Variants in FGF17 observed in about 807,000 individuals in gnomAD.
FGF17 encodes the protein fibroblast growth factor 17.
In FGF17, 5 loss-of-function variants were observed where a neutral mutation model predicts 23.5. That is an observed-to-expected ratio of 0.21 (90% CI 0.11 to 0.45). FGF17 has a LOEUF of 0.45. Ranked by LOEUF, FGF17 falls within the 20% of genes least tolerant of loss-of-function variation. The pLI is 0.99. For missense variants in FGF17, 221 were observed against 306.9 expected (o/e 0.72, Z 2.09); for synonymous variants, 136 against 123.0 (o/e 1.11, Z -0.70).
At chr8:22,042,807 C>T, upstream of FGF17, 1 of 936,482 alleles carries the variant, frequency 1.1e-6, no homozygotes, top group East Asian at 2.6e-5. Flanking sequence ...CCTCCTCGCC[C>T]CCCTGAAAAC....
chr8:22,041,235 C>G (rs1800732175), upstream of FGF17, among the ~76,000 whole-genome samples: 2 of 152,348 alleles, frequency 1.3e-5, no homozygotes, highest in South Asian at 4.1e-4. Context: ...GGGCTGGGTT[C>G]CCGAGGAAGA....
upstream of FGF17, chr8:22,042,757 T>C: frequency 4.5e-5 from 21 of 464,966 alleles, no homozygotes; most frequent in Non-Finnish European, 7.2e-5. Flanking sequence ...CTCCTCCCCC[T>C]CCTCCTCCCT....
Position 22,048,221 on chromosome 8 carries a change from G to C in FGF17, c.623G>C (p.Arg208Pro). The C allele has an allele frequency of 6.2e-7, 1 of 1,609,170 alleles. No homozygotes were observed. The highest frequency in any genetic ancestry group is 8.5e-7 in the Non-Finnish European group (1 of 1,178,380). ...TCCGCCCCCACCCGCCGGACCAAGC[G>C]CACACGGCGGCCCCAGCCCCTCACG... The part of the protein sequence containing the change: ...VGSAPTRRTK[R>P]TRRPQPLT Residue 208 changes from arginine to proline, a missense_variant, in exon 5 of 5, where the codon CGC (arginine) becomes CCC (proline). Physicochemically the swap from Arg to Pro is moderately radical, Grantham distance 103 (BLOSUM62 -2). Transcript: ENST00000359441. The surrounding 1 kb of genome is among the most constrained non-coding windows in gnomAD (Gnocchi z 6.9).
chr8:22,046,675 C>A, intron 4 of FGF17, 42 bp downstream of exon 4: 1 of 1,407,004 alleles, frequency 7.1e-7, no homozygotes, highest in Non-Finnish European at 1.0e-6. Flanking sequence ...ATCAGCCCTA[C>A]TGGGGTGGGG....
chr8:22,045,079 C>A (rs1040038027), intron 2 of FGF17: 2 of 985,390 alleles, frequency 2.0e-6, no homozygotes, highest in African/African-American at 3.5e-5. Context: ...GCCCGGGTCG[C>A]ACCTTGCAGG....
At chr8:22,046,950 A>ATTT (rs3038873) in intron 4 of FGF17, among the ~76,000 whole-genome samples, 1,369 of 120,524 alleles carry the variant, frequency 0.011, 63 homozygotes, top group African/African-American at 0.04. Flanking sequence ...TGCCCAGCTA[A>ATTT]TTTTTTTTTT....
At chr8:22,042,605 C>G, upstream of FGF17, 1 of 553,512 alleles carries the variant, frequency 1.8e-6, no homozygotes. Flanking sequence ...AGGCCCCCAC[C>G]GCTCCATCCC....
rs186446614 is a variant in FGF17 at position 22,046,090 on chromosome 8, A to G, written c.73-24A>G. The G allele has an allele frequency of 5.6e-6, 9 of 1,613,954 alleles. No individual in the cohort carries two copies. The Admixed American group carries it at 1.0e-4, about 18-fold the overall frequency. ...GTGTCACCCAAAGCAAATTGACACT[A>G]TTTTTCCCTTGGTAACCGCAAAGGG... On this transcript the variant is annotated intron_variant, in intron 2 of 4. Transcript: ENST00000359441.
In FGF17 at chr8:22,042,899, G is replaced by A. The variant is rs750951115; in HGVS notation, c.-30G>A. 73 of 1,612,784 alleles carry A rather than the reference G, an allele frequency of 4.5e-5. 2 individuals are homozygous for A. The South Asian group carries it at 7.9e-4, about 18-fold the overall frequency. ...ATCTGCTCCTGAGCTTGGGGGCAGG[G>A]GGGCAACCGCCTGAGGAACCTCTCC... On this transcript the variant is annotated 5_prime_UTR_variant, in exon 1 of 5. Transcript: ENST00000359441.
Position 22,048,323 on chromosome 8 carries a change from G to A in FGF17, c.*74G>A. 2.3e-6 allele frequency: 3 copies of A among 1,299,790 alleles called. No homozygotes were observed. Among genetic ancestry groups the A allele is most frequent in the Non-Finnish European group, 3.1e-6 (3 of 958,368 alleles). 80.5% of individuals were successfully genotyped at this position (1,299,790 alleles called of 1,614,324 possible). A position where few individuals can be genotyped will look rare whatever the true frequency, so the allele number is the denominator to read the frequency against. On this transcript the variant is annotated 3_prime_UTR_variant, in exon 5 of 5. Coordinates refer to ENST00000359441, the MANE Select transcript of FGF17 (RefSeq NM_003867.4). The surrounding 1 kb of genome is among the most constrained non-coding windows in gnomAD (Gnocchi z 6.9). Reference sequence around the variant, plus strand: ...CCCTTCTTAATCCAAGGACTGGGCTGGGGTGGCGGGAGGGGAGCCAGATCC... The same window carrying A: ...CCCTTCTTAATCCAAGGACTGGGCTAGGGTGGCGGGAGGGGAGCCAGATCC...
chr8:22,046,276 G>T lies in FGF17; in HGVS notation c.235G>T (p.Asp79Tyr), dbSNP rs776770008. 2 of 1,613,570 alleles carry T rather than the reference G, an allele frequency of 1.2e-6. No individual in the cohort carries two copies. The highest frequency in any genetic ancestry group is 1.7e-6 in the Non-Finnish European group (2 of 1,179,830). The change falls in exon 3 of 5, where the codon GAC (aspartate) becomes TAC (tyrosine). Residue 79 changes from aspartate to tyrosine, a missense_variant. Physicochemically the swap from Asp to Tyr is radical, Grantham distance 160. Coordinates refer to ENST00000359441, the MANE Select transcript of FGF17 (RefSeq NM_003867.4). The part of the protein sequence containing the change: ...TGRRISATAE[D>Y]GNKFAKLIVE... Reference sequence around the variant, plus strand: ...GCGTCGCATCTCCGCCACCGCCGAGGACGGCAACAAGTTTGGTGAGAGTTG... The same window carrying T: ...GCGTCGCATCTCCGCCACCGCCGAGTACGGCAACAAGTTTGGTGAGAGTTG...
chr8:22,046,494 G>A, intron 3 of FGF17, 33 bp from the exon 4 acceptor site: 2 of 1,562,678 alleles, frequency 1.3e-6, no homozygotes, highest in Non-Finnish European at 1.8e-6. Context: ...CAGCCCCGAT[G>A]GACGGAGGTC....
upstream of FGF17, among the ~76,000 whole-genome samples, chr8:22,041,112 C>T (rs1178456336): frequency 1.3e-5 from 2 of 152,170 alleles, no homozygotes; most frequent in Non-Finnish European, 2.9e-5. Context: ...CCTAAGACCC[C>T]TTCTAGGTTT....
chr8:22,044,770 AC>A (rs1800826318), intron 2 of FGF17: 2 of 985,108 alleles, frequency 2.0e-6, no homozygotes, highest in South Asian at 9.4e-5. Flanking sequence ...GTAAGTGTTA[AC>A]CCCGCGCAGG....
chr8:22,045,258 G>A, intron 2 of FGF17: 1 of 985,750 alleles, frequency 1.0e-6, no homozygotes, highest in Non-Finnish European at 1.2e-6. Flanking sequence ...CCCACCAACT[G>A]GCCAGGAGCC....
At chr8:22,043,988 C>G (rs532646924) in intron 2 of FGF17, among the ~76,000 whole-genome samples, 101 of 152,056 alleles carry the variant, frequency 6.6e-4, no homozygotes, top group South Asian at 1.5e-3. Flanking sequence ...AAAGGGGCAG[C>G]CTTTGAAGCA....
At chr8:22,045,789 C>A in intron 2 of FGF17, 1 of 1,257,948 alleles carries the variant, frequency 7.9e-7, no homozygotes, top group Non-Finnish European at 1.0e-6. Context: ...CCCCGTGCAC[C>A]TCCTTCATAG....
chr8:22,044,109 C>T (rs941907700), intron 2 of FGF17, among the ~76,000 whole-genome samples: 7 of 152,100 alleles, frequency 4.6e-5, no homozygotes, highest in Admixed American at 2.6e-4. Flanking sequence ...CAGAAGAAAG[C>T]CCCCAGCCTG....
intron 2 of FGF17, chr8:22,045,713 TG>T (rs1563364461): frequency 8.9e-7 from 1 of 1,120,980 alleles, no homozygotes; most frequent in Non-Finnish European, 1.1e-6. Flanking sequence ...CTTGGAGTTC[TG>T]GGGGAGATGA....
Sources: gnomAD v4.1 joint callset for allele counts (sites outside exome capture counted in the v4.1 genomes callset) on GRCh38, gnomAD v4.1.1 for gene constraint, Gnocchi (gnomAD v3.1) non-coding constraint, MANE v1.5 for transcripts, NCBI Gene and HGNC (gene_info 2026-07-23, HGNC 2026-07-21) for gene names.